KMO: variants seen among roughly 807,000 people sequenced by gnomAD.
KMO encodes kynurenine 3-monooxygenase.
A neutral mutation model predicts 57.8 loss-of-function variants in KMO; 24 were observed. That is an observed-to-expected ratio of 0.42 (90% CI 0.30 to 0.58). The LOEUF (loss-of-function observed/expected upper bound fraction) is 0.58. Ranked by LOEUF, KMO falls within the 20% of genes least tolerant of loss-of-function variation. The pLI is 0.22. For missense variants in KMO, 483 were observed against 588.2 expected (o/e 0.82, Z 1.85); for synonymous variants, 210 against 193.6 (o/e 1.08, Z -0.70).
chr1:241,568,649 T>A lies in KMO; in HGVS notation c.957+2T>A. On this transcript the variant is annotated splice_donor_variant, in intron 10 of 14. Transcript: ENST00000366559. LOFTEE classifies it high-confidence loss of function. ...TTTTTTGGGCAAGGAATGAATGCGG[T>A]AAGTTCTTTTTCCCTAGGTAAGTCC... 1 of 1,613,064 alleles carries A rather than the reference T, an allele frequency of 6.2e-7. No individual in the cohort carries two copies. The highest frequency in any genetic ancestry group is 8.5e-7 in the Non-Finnish European group (1 of 1,179,402).
intron 12 of KMO, among the ~76,000 whole-genome samples, chr1:241,589,738 C>A (rs1377444013): frequency 6.6e-6 from 1 of 152,196 alleles, no homozygotes; most frequent in Non-Finnish European, 1.5e-5. Context: ...TCTGGTTAAA[C>A]AAACCCTCTG....
Position 241,592,992 on chromosome 1 carries a change from C to G in KMO, c.*839C>G, listed in dbSNP as rs1663374510. 1 of 161,222 alleles carries G rather than the reference C, an allele frequency of 6.2e-6. No homozygotes were observed. The highest frequency in any genetic ancestry group is 2.4e-5 in the African/African-American group (1 of 41,656). 10.0% of individuals were successfully genotyped at this position (161,222 alleles called of 1,614,324 possible). ...GTCTTGCCATGCTGCCCAGGCCAGT[C>G]TCAAACTCCTGGCCTCATGTGATCT... On this transcript the variant is annotated 3_prime_UTR_variant, in exon 15 of 15. Transcript: ENST00000366559.
rs1662161805 is a variant in KMO at position 241,568,524 on chromosome 1, C to T, written c.834C>T (p.Phe278=). The change falls in exon 10 of 15, where the codon TTC becomes TTT. Residue 278 remains phenylalanine (F), a synonymous_variant. Coordinates refer to ENST00000366559, the MANE Select transcript of KMO (RefSeq NM_003679.5). ...GGAAACTCCTAGTGCAAGATTTCTT[C>T]CTGTTGCCTGCCCAGCCCATGATAT... ...IGEKLLVQDF[F]LLPAQPMISV... is the part of the protein sequence containing the mutation. The T allele has an allele frequency of 6.2e-7, 1 of 1,613,570 alleles. No homozygotes were observed. The highest frequency in any genetic ancestry group is 1.7e-5 in the Admixed American group (1 of 59,980).
In KMO at chr1:241,560,651, C is replaced by G; in HGVS notation, c.362-14C>G. Reference sequence around the variant, plus strand: ...AGATTTCATTTCTGTTTGCCTCTTTCTCCATTTCCTCAGCTGCTGAGAAAT... The same window carrying G: ...AGATTTCATTTCTGTTTGCCTCTTTGTCCATTTCCTCAGCTGCTGAGAAAT... On this transcript the variant is annotated splice_polypyrimidine_tract_variant and intron_variant, in intron 5 of 14. Transcript: ENST00000366559. The G allele has an allele frequency of 6.3e-7, 1 of 1,581,176 alleles. No individual in the cohort carries two copies. The highest frequency in any genetic ancestry group is 8.7e-7 in the Non-Finnish European group (1 of 1,150,118).
intron 12 of KMO, 82 bp from the exon 13 acceptor site, chr1:241,589,930 G>T: frequency 9.4e-7 from 1 of 1,066,440 alleles, no homozygotes; most frequent in Non-Finnish European, 1.5e-6. Context: ...TGCGATGAGT[G>T]GGAATGAAGA....
intron 1 of KMO, among the ~76,000 whole-genome samples, chr1:241,543,496 C>T (rs962475478): frequency 1.3e-5 from 2 of 151,986 alleles, no homozygotes; most frequent in East Asian, 1.9e-4. Context: ...ATAATGTGTT[C>T]GTTCATTCCA....
Position 241,534,910 on chromosome 1 carries a change from C to T in KMO, c.54+2412C>T, listed in dbSNP as rs187798151. On this transcript the variant is annotated intron_variant, in intron 1 of 14. Coordinates refer to ENST00000366559, the MANE Select transcript of KMO (RefSeq NM_003679.5). ...CCTATCTGCCTTTCTGGCTTCACCCCTTTCCCTTTTTATTTGTTAATCTTA... is the reference window on the plus strand; with the variant it reads ...CCTATCTGCCTTTCTGGCTTCACCCTTTTCCCTTTTTATTTGTTAATCTTA... Among the ~76,000 whole-genome samples, 971 of 152,264 alleles carry T rather than the reference C, an allele frequency of 6.4e-3. 9 individuals are homozygous for T. The highest frequency in any genetic ancestry group is 9.6e-3 in the Non-Finnish European group (651 of 68,014).
chr1:241,590,188 T>G lies in KMO; in HGVS notation c.1201-16T>G. 3.7e-6 allele frequency: 6 copies of G among 1,612,546 alleles called. No individual in the cohort carries two copies. The highest frequency in any genetic ancestry group is 5.1e-6 in the Non-Finnish European group (6 of 1,179,108). ...GTTAAAGAATACACAAGAATACTTT[T>G]TAAACTTCCCTGCAGGTCACTTTTT... is the stretch of plus-strand genomic sequence containing the variant. On this transcript the variant is annotated splice_polypyrimidine_tract_variant and intron_variant, in intron 13 of 14. Coordinates refer to ENST00000366559, the MANE Select transcript of KMO (RefSeq NM_003679.5).
chr1:241,540,159 T>C (rs1660909743), intron 1 of KMO, among the ~76,000 whole-genome samples: 1 of 152,180 alleles, frequency 6.6e-6, no homozygotes, highest in South Asian at 2.1e-4. Flanking sequence ...TTGCCATTGG[T>C]GGTAAAATTG....
chr1:241,540,907 TA>T (rs1428255289), intron 1 of KMO, among the ~76,000 whole-genome samples: 1 of 151,694 alleles, frequency 6.6e-6, no homozygotes, highest in African/African-American at 2.4e-5. Flanking sequence ...CTACAAAAAT[TA>T]AAAAAATTAG....
chr1:241,577,701 T>C (rs1461098966), intron 10 of KMO, among the ~76,000 whole-genome samples: 1 of 152,182 alleles, frequency 6.6e-6, no homozygotes, highest in African/African-American at 2.4e-5. Flanking sequence ...CAGTATTTTA[T>C]TTACTGAGTT....
At chr1:241,553,059 G>A (rs1171063702) in intron 4 of KMO, among the ~76,000 whole-genome samples, 2 of 152,168 alleles carry the variant, frequency 1.3e-5, no homozygotes, top group Non-Finnish European at 2.9e-5. Flanking sequence ...TATGTCTGAG[G>A]TAGTCAGTAC....
intron 8 of KMO, 48 bp from the exon 9 acceptor site, chr1:241,566,443 G>A (rs373256963): frequency 2.3e-5 from 37 of 1,578,036 alleles, no homozygotes; most frequent in South Asian, 9.5e-5. Flanking sequence ...TAGTGCCAGC[G>A]TCACTTGGCC....
intron 4 of KMO, among the ~76,000 whole-genome samples, chr1:241,553,817 A>T (rs1363854216): frequency 6.6e-6 from 1 of 152,232 alleles, no homozygotes; most frequent in Non-Finnish European, 1.5e-5. Context: ...GCAGAGAATG[A>T]AGATGTTTCT....
At chr1:241,552,796 A>G (rs960116709) in intron 4 of KMO, among the ~76,000 whole-genome samples, 2 of 152,114 alleles carry the variant, frequency 1.3e-5, no homozygotes, top group South Asian at 4.1e-4. Flanking sequence ...TCCCTCCTTC[A>G]GCTGTTTTTT....
intron 11 of KMO, among the ~76,000 whole-genome samples, 161 bp downstream of exon 11, chr1:241,586,897 A>G (rs1207302009): frequency 6.6e-6 from 1 of 152,162 alleles, no homozygotes; most frequent in African/African-American, 2.4e-5. Context: ...CCGTTTTCCC[A>G]TAGCAACAAC....
chr1:241,587,470 T>C (rs1297113529), intron 11 of KMO, among the ~76,000 whole-genome samples: 3 of 152,124 alleles, frequency 2.0e-5, no homozygotes, highest in Non-Finnish European at 2.9e-5. Flanking sequence ...CTAATACTTT[T>C]TTTTTTGAGA....
At chr1:241,566,330 G>C (rs1662076463) in intron 8 of KMO, among the ~76,000 whole-genome samples, 161 bp from the exon 9 acceptor site, 1 of 152,170 alleles carries the variant, frequency 6.6e-6, no homozygotes, top group South Asian at 2.1e-4. Flanking sequence ...GCTTTTCTTT[G>C]GGAGCAGGGG....
At chr1:241,586,793 G>T (rs1021698892) in intron 11 of KMO, 57 bp downstream of exon 11, 3 of 1,201,504 alleles carry the variant, frequency 2.5e-6, no homozygotes, top group African/African-American at 1.5e-5. Flanking sequence ...CTAATTGTGG[G>T]CTTATTTCTG....
Sources: allele counts gnomAD v4.1 joint callset (sites outside exome capture counted in the v4.1 genomes callset), GRCh38; gene constraint gnomAD v4.1.1; transcripts MANE v1.5; gene names NCBI Gene and HGNC (gene_info 2026-07-23, HGNC 2026-07-21).